Variants in SLC4A10 observed in about 807,000 individuals in gnomAD.
The protein encoded by SLC4A10 is sodium-driven chloride bicarbonate exchanger.
Under a neutral mutation model 137.7 loss-of-function variants are expected in SLC4A10, and 42 were observed. That is an observed-to-expected ratio of 0.30 (90% CI 0.24 to 0.39). SLC4A10 has a LOEUF of 0.39. Among genes scored for constraint, SLC4A10 ranks in the 10% least tolerant of loss-of-function variants. The probability of loss-of-function intolerance (pLI) is 1.00; values close to 1 mark genes in which losing one functional copy is unlikely to be tolerated. For missense variants in SLC4A10, 925 were observed against 1,355.0 expected (o/e 0.68, Z 4.98); for synonymous variants, 474 against 464.1 (o/e 1.02, Z -0.27).
chr2:161,670,490 C>T (rs2039567269), intron 1 of SLC4A10, among the ~76,000 whole-genome samples: 1 of 152,006 alleles, frequency 6.6e-6, no homozygotes, highest in Admixed American at 6.6e-5. Flanking sequence ...TTCACTTCTT[C>T]CTGTATCTCA....
rs2057502558 is a variant in SLC4A10, at chr2:161,820,285, A to G, written c.277+15690A>G. The stretch of plus-strand genomic sequence containing the variant: ...ATTTTAATGACCAATTAGGTGCTAT[A>G]TGAGAATATCAAGGTGTTTTTACAA... On this transcript the variant is annotated intron_variant, in intron 3 of 26. Coordinates refer to ENST00000446997, the MANE Select transcript of SLC4A10 (RefSeq NM_001178015.2). 2.0e-5 allele frequency among the ~76,000 whole-genome samples: 3 copies of G among 152,336 alleles called. No individual in the cohort carries two copies. The South Asian group carries it at 6.2e-4, about 32-fold the overall frequency.
chr2:161,926,385 GGTTTTTTTTTTTTTT>G (rs1689095392), intron 15 of SLC4A10, among the ~76,000 whole-genome samples: 2 of 27,908 alleles, frequency 7.2e-5, no homozygotes, highest in African/African-American at 9.0e-5. Flanking sequence ...GCCTTTTTTT[GGTTTTTTTTTTTTTT>G]TTTTTTTTTG....
At chr2:161,953,899 AT>A (rs1283346373) in intron 19 of SLC4A10, among the ~76,000 whole-genome samples, 3 of 152,238 alleles carry the variant, frequency 2.0e-5, no homozygotes, top group African/African-American at 7.2e-5. Flanking sequence ...TGGATTAGGC[AT>A]AAGTTAACTG....
At chr2:161,716,348 T>C (rs2044875967) in intron 1 of SLC4A10, among the ~76,000 whole-genome samples, 2 of 152,196 alleles carry the variant, frequency 1.3e-5, no homozygotes, top group Admixed American at 1.3e-4. Context: ...ATCCCATTTG[T>C]AAATTTTTGC....
chr2:161,853,925 T>C (rs979291616), intron 4 of SLC4A10, among the ~76,000 whole-genome samples: 1 of 152,220 alleles, frequency 6.6e-6, no homozygotes, highest in African/African-American at 2.4e-5. Flanking sequence ...TTTTGGTTAG[T>C]TACTTTTGGC....
At chr2:161,879,886 A>C (rs1265445993) in intron 9 of SLC4A10, among the ~76,000 whole-genome samples, 1 of 152,022 alleles carries the variant, frequency 6.6e-6, no homozygotes, top group African/African-American at 2.4e-5. Context: ...GATGATCAGA[A>C]CTTGTTTCTC....
chr2:161,904,962 A>G lies in SLC4A10; in HGVS notation c.1751+53A>G, dbSNP rs1683995310. The G allele has an allele frequency of 5.7e-6, 9 of 1,565,432 alleles. No individual in the cohort carries two copies. The East Asian group carries it at 1.4e-4, about 24-fold the overall frequency. ...AGCCTCTTCCTTTTTTCTTTACTGT[A>G]TTTATACTTCTCCCAACATCACTTT... On this transcript the variant is annotated intron_variant, in intron 14 of 26. Coordinates refer to ENST00000446997, the MANE Select transcript of SLC4A10 (RefSeq NM_001178015.2).
intron 1 of SLC4A10, among the ~76,000 whole-genome samples, chr2:161,652,339 T>C (rs1410874788): frequency 6.6e-6 from 1 of 152,256 alleles, no homozygotes; most frequent in Non-Finnish European, 1.5e-5. Flanking sequence ...TGTTATTTAT[T>C]TTCTTGCTCA....
chr2:161,631,080 C>T (rs894070156), intron 1 of SLC4A10, among the ~76,000 whole-genome samples: 1 of 151,632 alleles, frequency 6.6e-6, no homozygotes, highest in African/African-American at 2.4e-5. Flanking sequence ...TATGAAATGT[C>T]TAGAATAGGC....
chr2:161,958,316 G>T (rs1234367920), intron 20 of SLC4A10, among the ~76,000 whole-genome samples, 171 bp from the exon 21 acceptor site: 1 of 152,070 alleles, frequency 6.6e-6, no homozygotes, highest in Non-Finnish European at 1.5e-5. Flanking sequence ...CTTACCTAAG[G>T]TTACACAGCT....
intron 3 of SLC4A10, among the ~76,000 whole-genome samples, chr2:161,828,527 A>G (rs2058179768): frequency 6.7e-6 from 1 of 148,324 alleles, no homozygotes; most frequent in Non-Finnish European, 1.5e-5. Context: ...AATTTTATAT[A>G]TGCTTATTTT....
chr2:161,653,354 G>A (rs1574122829), intron 1 of SLC4A10, among the ~76,000 whole-genome samples: 3 of 152,074 alleles, frequency 2.0e-5, no homozygotes, highest in African/African-American at 7.2e-5. Flanking sequence ...TAATCCTTTG[G>A]GTATATACCC....
intron 3 of SLC4A10, among the ~76,000 whole-genome samples, chr2:161,822,777 C>A (rs2057728346): frequency 6.6e-6 from 1 of 152,082 alleles, no homozygotes; most frequent in African/African-American, 2.4e-5. Context: ...GAGTTGGAGA[C>A]CATCATGGCC....
At chr2:161,791,551 T>C (rs891125239) in intron 2 of SLC4A10, among the ~76,000 whole-genome samples, 4 of 152,088 alleles carry the variant, frequency 2.6e-5, no homozygotes, top group Non-Finnish European at 5.9e-5. Flanking sequence ...GGTTGATCTG[T>C]GCAGCAAACC....
intron 5 of SLC4A10, among the ~76,000 whole-genome samples, chr2:161,860,098 T>A (rs2060349202): frequency 6.6e-6 from 1 of 152,216 alleles, no homozygotes; most frequent in Non-Finnish European, 1.5e-5. Context: ...TTTTGGTACT[T>A]AAATGTCACC....
chr2:161,847,166 C>T (rs2059551093), intron 4 of SLC4A10, among the ~76,000 whole-genome samples: 1 of 151,754 alleles, frequency 6.6e-6, no homozygotes, highest in Non-Finnish European at 1.5e-5. Context: ...TCATCTGAAC[C>T]CAGGAGGTTG....
rs1445634874 is a variant in SLC4A10 at position 161,734,299 on chromosome 2, A to G, written c.49-36674A>G. On this transcript the variant is annotated intron_variant, in intron 1 of 26. Coordinates refer to ENST00000446997, the MANE Select transcript of SLC4A10 (RefSeq NM_001178015.2). ...TGTTGTGGGAGGGACCCTGTGGGAG[A>G]TCATTTGAATCATGGGGGCACATTC... Among the ~76,000 whole-genome samples the G allele has an allele frequency of 3.3e-5, 5 of 152,068 alleles. No homozygotes were observed. In the East Asian group the frequency reaches 7.7e-4, roughly 23 times the overall value.
At chr2:161,774,652 C>A (rs1188118226) in intron 2 of SLC4A10, among the ~76,000 whole-genome samples, 3 of 151,858 alleles carry the variant, frequency 2.0e-5, no homozygotes, top group African/African-American at 4.8e-5. Flanking sequence ...TCAATGAAGG[C>A]TTACAAAAGC....
intron 3 of SLC4A10, among the ~76,000 whole-genome samples, chr2:161,839,533 ATTAT>A (rs1298169268): frequency 5.9e-5 from 9 of 152,042 alleles, no homozygotes; most frequent in East Asian, 1.9e-4. Context: ...TATTTTATTT[ATTAT>A]TTATTATATG....
Sources: allele counts gnomAD v4.1 joint callset (sites outside exome capture counted in the v4.1 genomes callset), GRCh38; gene constraint gnomAD v4.1.1; transcripts MANE v1.5; gene names NCBI Gene and HGNC (gene_info 2026-07-23, HGNC 2026-07-21).